The following VAT1L variants were observed in gnomAD, a reference collection of about 807,000 sequenced individuals.
VAT1L encodes putative NADPH-dependent quinone oxidoreductase VAT1L.
VAT1L carries 34 observed loss-of-function variants against 44.1 expected under a neutral mutation model. The ratio of observed to expected loss-of-function variants is 0.77; its 90% CI spans 0.59 to 1.03. The LOEUF (loss-of-function observed/expected upper bound fraction) is 1.03. Among genes scored for constraint, VAT1L ranks in the 50% least tolerant of loss-of-function variants. The pLI is 0.00. For missense variants in VAT1L, 615 were observed against 538.8 expected (o/e 1.14, Z -1.40); for synonymous variants, 253 against 202.2 (o/e 1.25, Z -2.13).
intron 1 of VAT1L, among the ~76,000 whole-genome samples, chr16:77,813,726 C>T (rs2016305464): frequency 1.3e-5 from 2 of 152,126 alleles, no homozygotes; most frequent in Non-Finnish European, 2.9e-5. Context: ...ATTGCTAAGT[C>T]GTTCTCTTGA....
chr16:77,830,284 T>C (rs1162081501), intron 3 of VAT1L, among the ~76,000 whole-genome samples: 1 of 152,218 alleles, frequency 6.6e-6, no homozygotes, highest in East Asian at 1.9e-4. Context: ...AAAATGGTAT[T>C]CTCTCCCAAT....
intron 7 of VAT1L, among the ~76,000 whole-genome samples, chr16:77,971,460 T>A (rs529785773): frequency 6.6e-6 from 1 of 152,008 alleles, no homozygotes; most frequent in South Asian, 2.1e-4. Context: ...TTAAATAACA[T>A]TGAAGTAAGC....
intron 3 of VAT1L, among the ~76,000 whole-genome samples, chr16:77,859,879 C>G (rs1050760484): frequency 1.3e-5 from 2 of 152,074 alleles, no homozygotes; most frequent in African/African-American, 4.8e-5. Flanking sequence ...CCCCACCACT[C>G]CAAATTCATA....
chr16:77,923,205 T>A (rs908246092), intron 7 of VAT1L, among the ~76,000 whole-genome samples: 1 of 152,138 alleles, frequency 6.6e-6, no homozygotes, highest in African/African-American at 2.4e-5. Context: ...AATTGCAGCA[T>A]ATTGAGAGGC....
chr16:77,943,702 C>T (rs2017922276), intron 7 of VAT1L, among the ~76,000 whole-genome samples: 1 of 152,106 alleles, frequency 6.6e-6, no homozygotes, highest in South Asian at 2.1e-4. Context: ...GCGCCCGACC[C>T]ACCCTGTATT....
At chr16:77,924,831 G>C (rs1043803607) in intron 7 of VAT1L, among the ~76,000 whole-genome samples, 37 of 152,124 alleles carry the variant, frequency 2.4e-4, no homozygotes, top group African/African-American at 8.9e-4. Context: ...TGTCTAGCAG[G>C]GTAATGTCTC....
At chr16:77,851,339 C>T (rs992273735) in intron 3 of VAT1L, among the ~76,000 whole-genome samples, 1 of 152,122 alleles carries the variant, frequency 6.6e-6, no homozygotes, top group Non-Finnish European at 1.5e-5. Context: ...TGGAATGATA[C>T]AGTCTTTAGA....
At chr16:77,937,861 G>C (rs964877222) in intron 7 of VAT1L, among the ~76,000 whole-genome samples, 3 of 152,238 alleles carry the variant, frequency 2.0e-5, no homozygotes, top group Non-Finnish European at 2.9e-5. Context: ...GAATTCAGAA[G>C]AGACAGAGAG....
intron 7 of VAT1L, among the ~76,000 whole-genome samples, chr16:77,895,313 T>C (rs1305605208): frequency 2.7e-5 from 4 of 150,006 alleles, no homozygotes; most frequent in African/African-American, 9.8e-5. Context: ...GGCTGAAGAA[T>C]GGCCCCCTAA....
chr16:77,831,977 G>A (rs942187177), intron 3 of VAT1L, among the ~76,000 whole-genome samples: 11 of 106,902 alleles, frequency 1.0e-4, no homozygotes, highest in Admixed American at 4.8e-4. Context: ...CACCATGCCC[G>A]GCTAATTTTT....
chr16:77,880,455 C>T (rs1040774222), intron 6 of VAT1L, among the ~76,000 whole-genome samples: 5 of 151,970 alleles, frequency 3.3e-5, no homozygotes, highest in Admixed American at 6.6e-5. Flanking sequence ...CCATCGTACT[C>T]GGCCAAACTT....
At chr16:77,815,577 A>G (rs1179106474) in intron 1 of VAT1L, among the ~76,000 whole-genome samples, 3 of 152,196 alleles carry the variant, frequency 2.0e-5, no homozygotes, top group Non-Finnish European at 4.4e-5. Context: ...GTCCCTGTGT[A>G]TGAGACTCAT....
chr16:77,794,631 A>G (rs150773673), intron 1 of VAT1L, among the ~76,000 whole-genome samples: 123 of 152,350 alleles, frequency 8.1e-4, no homozygotes, highest in African/African-American at 2.8e-3. Context: ...TTCAAAATAA[A>G]CAAGTGGCAT....
chr16:77,942,322 C>T (rs1201671061), intron 7 of VAT1L, among the ~76,000 whole-genome samples: 7 of 152,062 alleles, frequency 4.6e-5, no homozygotes, highest in Non-Finnish European at 1.0e-4. Flanking sequence ...AGACCCTCCC[C>T]CATGATTTAG....
chr16:77,919,125 T>G lies in VAT1L; in HGVS notation c.1077+34323T>G, dbSNP rs548411353. Among the ~76,000 whole-genome samples the G allele has an allele frequency of 4.0e-5, 6 of 151,866 alleles. No homozygotes were observed. In the South Asian group the frequency reaches 1.0e-3, roughly 26 times the overall value. On this transcript the variant is annotated intron_variant, in intron 7 of 8. Transcript: ENST00000302536. ...GAAAGTCCTTCTGGAGTTTTGAGGGTGTGTGTGTGTGCATGTGTGTGCATG... is the reference window on the plus strand; with the variant it reads ...GAAAGTCCTTCTGGAGTTTTGAGGGGGTGTGTGTGTGCATGTGTGTGCATG...
At chr16:77,825,183 G>A (rs1055727707) in intron 2 of VAT1L, 63 bp from the exon 3 acceptor site, 1 of 1,585,818 alleles carries the variant, frequency 6.3e-7, no homozygotes, top group Non-Finnish European at 8.6e-7. Context: ...CAGTAATTCT[G>A]TTCTCTCCTT....
chr16:77,792,631 G>A (rs553655796), intron 1 of VAT1L, among the ~76,000 whole-genome samples: 7 of 152,046 alleles, frequency 4.6e-5, no homozygotes, highest in Admixed American at 2.0e-4. Flanking sequence ...CTATCTGACT[G>A]AGCAAAATTC....
chr16:77,813,341 T>C (rs1483698185), intron 1 of VAT1L, among the ~76,000 whole-genome samples: 1 of 152,154 alleles, frequency 6.6e-6, no homozygotes, highest in East Asian at 1.9e-4. Context: ...TCCCAATGGG[T>C]GATTGATTAC....
intron 3 of VAT1L, among the ~76,000 whole-genome samples, chr16:77,828,706 G>C (rs980623186): frequency 2.6e-5 from 4 of 152,082 alleles, no homozygotes. Flanking sequence ...GGAGTGGGAA[G>C]TAGAAGAATC....
Sources: allele counts gnomAD v4.1 joint callset (sites outside exome capture counted in the v4.1 genomes callset), GRCh38; gene constraint gnomAD v4.1.1; transcripts MANE v1.5; gene names NCBI Gene and HGNC (gene_info 2026-07-23, HGNC 2026-07-21).